PDCD7: variants seen among roughly 807,000 people sequenced by gnomAD.
The protein encoded by PDCD7 is programmed cell death 7.
In PDCD7, 40 loss-of-function variants were observed where a neutral mutation model predicts 42.1. The ratio of observed to expected loss-of-function variants is 0.95; its 90% CI spans 0.74 to 1.24. The LOEUF is 1.24. PDCD7 is among the 50% of genes most tolerant of loss of function. The pLI is 0.00. For missense variants in PDCD7, 644 were observed against 662.8 expected, an observed-to-expected ratio of 0.97 and a Z score of 0.31; for synonymous variants, 299 against 303.3, an observed-to-expected ratio of 0.99 and a Z score of 0.15.
intron 1 of PDCD7, among the ~76,000 whole-genome samples, chr15:65,132,225 C>T (rs2087546061): frequency 6.6e-6 from 1 of 151,364 alleles, no homozygotes; most frequent in Non-Finnish European, 1.5e-5. Context: ...AGGGAAATCA[C>T]TATTGCCCCA....
chr15:65,125,690 C>A (rs143879478), intron 2 of PDCD7, among the ~76,000 whole-genome samples: 34 of 152,204 alleles, frequency 2.2e-4, no homozygotes, highest in African/African-American at 7.5e-4. Flanking sequence ...TAATTTAATC[C>A]TCACGACACC....
At chr15:65,130,748 C>A (rs1269769265) in intron 1 of PDCD7, among the ~76,000 whole-genome samples, 1 of 151,808 alleles carries the variant, frequency 6.6e-6, no homozygotes, top group Non-Finnish European at 1.5e-5. Context: ...GAGGCTAAGG[C>A]AGGAGAATCG....
intron 2 of PDCD7, among the ~76,000 whole-genome samples, chr15:65,120,518 C>A (rs1273597556): frequency 6.6e-6 from 1 of 152,088 alleles, no homozygotes; most frequent in East Asian, 1.9e-4. Context: ...AACATCCTGG[C>A]TAACACGGTG....
In PDCD7 at chr15:65,133,336, G is replaced by A; in HGVS notation, c.446C>T (p.Ala149Val). 1.6e-6 allele frequency: 2 copies of A among 1,268,136 alleles called. No individual in the cohort carries two copies. The highest frequency in any genetic ancestry group is 9.9e-7 in the Non-Finnish European group (1 of 1,008,926). 78.6% of individuals were successfully genotyped at this position (1,268,136 alleles called of 1,614,324 possible). The stretch of plus-strand genomic sequence containing the variant: ...TGCCCGCCGCGGGGTCCCGAACACC[G>A]CCTCCAGCCACTGCCGGTCGCGCAG... The part of the protein sequence containing the change: ...QRLRDRQWLE[A>V]VFGTPRRAGC... Residue 149 changes from alanine (A) to valine (V), a missense_variant, in exon 1 of 5, where the codon GCG (alanine) becomes GTG (valine). Physicochemically the swap from Ala to Val is moderately conservative, Grantham distance 64. Coordinates refer to ENST00000204549, the MANE Select transcript of PDCD7 (RefSeq NM_005707.2).
At chr15:65,130,839 T>A (rs561790325) in intron 1 of PDCD7, among the ~76,000 whole-genome samples, 1 of 151,278 alleles carries the variant, frequency 6.6e-6, no homozygotes, top group South Asian at 2.1e-4. Flanking sequence ...CGAGACTCTG[T>A]CTCAGAAAAA....
chr15:65,132,910 AC>A lies in PDCD7; in HGVS notation c.870+1del. ...ACCCCCATGAGCGGCCGCTGCTCTC[AC>A]CCGCTTCTTCTCCTCCACCTCCTGC... On this transcript the variant is annotated splice_donor_variant, in intron 1 of 4. Coordinates refer to ENST00000204549, the MANE Select transcript of PDCD7 (RefSeq NM_005707.2). LOFTEE classifies it high-confidence loss of function. The A allele has an allele frequency of 6.2e-7, 1 of 1,602,560 alleles. No homozygotes were observed. The highest frequency in any genetic ancestry group is 8.5e-7 in the Non-Finnish European group (1 of 1,179,564).
In PDCD7 at chr15:65,118,407, T is replaced by TA. The variant is rs2087424013; in HGVS notation, c.*309dup. On this transcript the variant is annotated 3_prime_UTR_variant, in exon 5 of 5. Transcript: ENST00000204549. ...CTTACCCATCAACACACAAGGAAGT[T>TA]AGAGTAAATTAACAAGTCACTCTGG... 1.3e-5 allele frequency: 3 copies of TA among 231,460 alleles called. No homozygotes were observed. Among genetic ancestry groups the TA allele is most frequent in the Admixed American group, 5.8e-5 (1 of 17,324 alleles). 14.3% of individuals were successfully genotyped at this position (231,460 alleles called of 1,614,324 possible).
At chr15:65,125,470 T>C (rs187532803) in intron 2 of PDCD7, among the ~76,000 whole-genome samples, 130 of 152,344 alleles carry the variant, frequency 8.5e-4, no homozygotes, top group African/African-American at 3.0e-3. Flanking sequence ...GCTTTTCTTG[T>C]ATCATATTCA....
At position 65,119,837 on chromosome 15, in the gene PDCD7, A is replaced by G; in HGVS notation, c.1127T>C (p.Met376Thr). The G allele has an allele frequency of 6.2e-7, 1 of 1,613,966 alleles. No homozygotes were observed. The highest frequency in any genetic ancestry group is 8.5e-7 in the Non-Finnish European group (1 of 1,179,970). ...YEAEERALRV[M>T]LEGEQEEERK... is the part of the protein sequence containing the mutation. ...CTCTTCCTCTTGTTCTCCTTCTAGCATAACTCTGAGGGCTCTCTCTTCAGC... is the reference window on the plus strand; with the variant it reads ...CTCTTCCTCTTGTTCTCCTTCTAGCGTAACTCTGAGGGCTCTCTCTTCAGC... Residue 376 changes from methionine (M) to threonine (T), a missense_variant, in exon 3 of 5, where the codon ATG becomes ACG. Coordinates refer to ENST00000204549, the MANE Select transcript of PDCD7 (RefSeq NM_005707.2).
rs563055022 is a variant in PDCD7 at position 65,133,783 on chromosome 15, T to C, written c.-2A>G. ...GCCGAAGAATGGTGGCAGGGCCATG[T>C]TCACGACGGAGATGCTTTGAGAAGT... On this transcript the variant is annotated 5_prime_UTR_variant, in exon 1 of 5. Transcript: ENST00000204549. 2 of 1,358,624 alleles carry C rather than the reference T, an allele frequency of 1.5e-6. No homozygotes were observed. Among genetic ancestry groups the C allele is most frequent in the East Asian group, 3.0e-5 (1 of 33,066 alleles). The allele number at this position is 1,358,624 out of a possible 1,614,324, so 84.2% of individuals were successfully genotyped here.
chr15:65,131,144 A>G (rs568092743), intron 1 of PDCD7, among the ~76,000 whole-genome samples: 21 of 152,104 alleles, frequency 1.4e-4, no homozygotes, highest in African/African-American at 5.1e-4. Context: ...TTGCATTACC[A>G]CCTGAGCTCC....
At chr15:65,126,266 T>G (rs964857923) in intron 2 of PDCD7, among the ~76,000 whole-genome samples, 6 of 152,198 alleles carry the variant, frequency 3.9e-5, no homozygotes, top group Non-Finnish European at 7.3e-5. Flanking sequence ...TACCTTGATT[T>G]TGACATTCCC....
chr15:65,131,053 T>C (rs2087536085), intron 1 of PDCD7, among the ~76,000 whole-genome samples: 1 of 152,068 alleles, frequency 6.6e-6, no homozygotes, highest in Admixed American at 6.6e-5. Context: ...CATGGCCTGT[T>C]AGGAACCAGA....
chr15:65,132,156 G>A (rs1386467335), intron 1 of PDCD7, among the ~76,000 whole-genome samples: 2 of 148,032 alleles, frequency 1.4e-5, no homozygotes, highest in Non-Finnish European at 3.0e-5. Context: ...TAAATGCTCC[G>A]AAACACCATT....
At chr15:65,119,091 T>A in intron 4 of PDCD7, 1 of 468,162 alleles carries the variant, frequency 2.1e-6, no homozygotes, top group Non-Finnish European at 3.7e-6. Context: ...ATTTACAGAT[T>A]CTGTATTTGC....
chr15:65,133,183 G>A lies in PDCD7; in HGVS notation c.599C>T (p.Ala200Val), dbSNP rs1372037264. ...CAGCAGGACCCAGGCCGCGCCGTCG[G>A]CTTCGGCCTCGCGCAGGGCCTGGCT... ...GLSQALREAE[A>V]DGAAWVLLYS... Residue 200 changes from alanine to valine, a missense_variant, in exon 1 of 5, where the codon GCC becomes GTC. Transcript: ENST00000204549. 7 of 1,448,648 alleles carry A rather than the reference G, an allele frequency of 4.8e-6. No individual in the cohort carries two copies. Among genetic ancestry groups the A allele is most frequent in the Non-Finnish European group, 4.5e-6 (5 of 1,111,846 alleles). The allele number at this position is 1,448,648 out of a possible 1,614,324, so 89.7% of individuals were successfully genotyped here.
chr15:65,120,987 C>A (rs544891523), intron 2 of PDCD7, among the ~76,000 whole-genome samples: 12 of 152,086 alleles, frequency 7.9e-5, no homozygotes, highest in South Asian at 2.1e-4. Flanking sequence ...ATTACTCTGA[C>A]CCTACCCTGA....
intron 2 of PDCD7, among the ~76,000 whole-genome samples, chr15:65,123,673 G>A (rs1047828223): frequency 6.6e-6 from 1 of 152,154 alleles, no homozygotes; most frequent in African/African-American, 2.4e-5. Context: ...CTACAGCTAA[G>A]TGGTTGTGGA....
chr15:65,130,226 C>T (rs1380208762), intron 1 of PDCD7, among the ~76,000 whole-genome samples: 9 of 144,066 alleles, frequency 6.2e-5, no homozygotes. Flanking sequence ...GGCGCGATCT[C>T]GGCTTACTGC....
Sources: allele counts gnomAD v4.1 joint callset (sites outside exome capture counted in the v4.1 genomes callset), GRCh38; gene constraint gnomAD v4.1.1; transcripts MANE v1.5; gene names NCBI Gene and HGNC (gene_info 2026-07-23, HGNC 2026-07-21).